Variants in THRA observed in about 807,000 individuals in gnomAD.
The protein encoded by THRA is thyroid hormone receptor alpha.
A neutral mutation model predicts 45.0 loss-of-function variants in THRA; 13 were observed. The ratio of observed to expected loss-of-function variants is 0.29; its 90% CI spans 0.19 to 0.46. THRA has a LOEUF of 0.46. THRA is among the 20% of genes least tolerant of loss of function. THRA has a pLI of 1.00. For synonymous variants in THRA, 195 were observed against 214.0 expected, an observed-to-expected ratio of 0.91 and a Z score of 0.78; for missense variants, 278 against 556.1, an observed-to-expected ratio of 0.50 and a Z score of 5.03.
intron 4 of THRA, among the ~76,000 whole-genome samples, chr17:40,083,027 A>G (rs1054598379): frequency 6.6e-6 from 1 of 150,890 alleles, no homozygotes; most frequent in Admixed American, 6.6e-5. Flanking sequence ...TCCTGGGTTC[A>G]CGCCATTCTC....
chr17:40,075,083 C>T (rs962603068), intron 2 of THRA, among the ~76,000 whole-genome samples: 1 of 152,264 alleles, frequency 6.6e-6, no homozygotes, highest in Non-Finnish European at 1.5e-5. Context: ...TGGGGCTCCT[C>T]CCAGAAAGTG....
rs548599710 is a variant in THRA, at chr17:40,068,467, T to C, written c.-298+5375T>C. On this transcript the variant is annotated intron_variant, in intron 1 of 8. Transcript: ENST00000450525. ...GGCTGGTGTGTGGTGGGGGCACATG[T>C]GGTTCCACCTTGGTGTCACTTGGCA... is the stretch of plus-strand genomic sequence containing the variant. 6.6e-5 allele frequency among the ~76,000 whole-genome samples: 10 copies of C among 152,360 alleles called. No homozygotes were observed. The South Asian group carries it at 2.1e-3, about 32-fold the overall frequency.
chr17:40,081,503 G>A (rs543967104), intron 4 of THRA, among the ~76,000 whole-genome samples: 1 of 152,128 alleles, frequency 6.6e-6, no homozygotes, highest in East Asian at 1.9e-4. Context: ...CTGGCCTCAA[G>A]TGATCTGCCT....
intron 2 of THRA, among the ~76,000 whole-genome samples, chr17:40,075,071 G>A (rs1475658827): frequency 6.6e-6 from 1 of 152,272 alleles, no homozygotes; most frequent in Non-Finnish European, 1.5e-5. Context: ...CGGGCACTGC[G>A]ATGGGGCTCC....
intron 4 of THRA, among the ~76,000 whole-genome samples, chr17:40,079,332 C>T (rs1987059892): frequency 6.6e-6 from 1 of 152,086 alleles, no homozygotes; most frequent in Non-Finnish European, 1.5e-5. Flanking sequence ...CTGCAACCTC[C>T]ACCTCTCGGG....
intron 1 of THRA, among the ~76,000 whole-genome samples, chr17:40,073,493 A>T (rs1322259933): frequency 1.3e-5 from 2 of 152,082 alleles, no homozygotes; most frequent in African/African-American, 4.8e-5. Flanking sequence ...TCCAGTTAAT[A>T]TGTGTTAGTT....
intron 2 of THRA, 26 bp downstream of exon 2, chr17:40,074,567 G>A (rs777235231): frequency 1.1e-5 from 18 of 1,613,666 alleles, no homozygotes; most frequent in East Asian, 2.2e-5. Flanking sequence ...ACTAGGTCAT[G>A]CCAACTCCTA....
chr17:40,072,746 T>G (rs1038900643), intron 1 of THRA, among the ~76,000 whole-genome samples: 2 of 151,834 alleles, frequency 1.3e-5, no homozygotes, highest in Non-Finnish European at 2.9e-5. Flanking sequence ...CCCCTGGGCT[T>G]CCCCACCCAC....
chr17:40,087,081 C>T (rs918619958), intron 7 of THRA: 17 of 561,484 alleles, frequency 3.0e-5, no homozygotes, highest in Non-Finnish European at 3.8e-5. Context: ...ACCTAGCATA[C>T]AGATACGTAC....
Position 40,081,665 on chromosome 17 carries a change from C to T in THRA, c.223-2170C>T, listed in dbSNP as rs528514632. 8.4e-4 allele frequency among the ~76,000 whole-genome samples: 128 copies of T among 152,056 alleles called. 1 individual carries two copies. The South Asian group carries it at 0.025, about 30-fold the overall frequency. On this transcript the variant is annotated intron_variant, in intron 4 of 8. Transcript: ENST00000450525. ...ATCATCTTGAGTTTTGAGGTGTTTCCTTTAAAATAAAGGCGAGGCTGGGTG... is the reference window on the plus strand; with the variant it reads ...ATCATCTTGAGTTTTGAGGTGTTTCTTTTAAAATAAAGGCGAGGCTGGGTG...
In THRA at chr17:40,074,428, C is replaced by G; in HGVS notation, c.-61C>G. 1 of 1,592,438 alleles carries G rather than the reference C, an allele frequency of 6.3e-7. No homozygotes were observed. The highest frequency in any genetic ancestry group is 8.6e-7 in the Non-Finnish European group (1 of 1,161,630). On this transcript the variant is annotated 5_prime_UTR_variant, in exon 2 of 9. Transcript: ENST00000450525. Reference sequence around the variant, plus strand: ...GTGGCCTGTGGGTGTGCCGGGGGGGCCAGTGTGCCCACCCCAGTCTCTTGG... The same window carrying G: ...GTGGCCTGTGGGTGTGCCGGGGGGGGCAGTGTGCCCACCCCAGTCTCTTGG...
chr17:40,067,030 G>T (rs1336930395), intron 1 of THRA, among the ~76,000 whole-genome samples: 1 of 152,182 alleles, frequency 6.6e-6, no homozygotes, highest in Admixed American at 6.5e-5. Context: ...GAAGCTTCGT[G>T]GAGAATTGGG....
At chr17:40,075,682 T>C (rs1372291605) in intron 2 of THRA, among the ~76,000 whole-genome samples, 1 of 151,542 alleles carries the variant, frequency 6.6e-6, no homozygotes, top group Non-Finnish European at 1.5e-5. Context: ...CCCTCCCCCA[T>C]GTCTATGCGC....
At chr17:40,088,730 T>C (rs963865876) in intron 8 of THRA, among the ~76,000 whole-genome samples, 1 of 151,838 alleles carries the variant, frequency 6.6e-6, no homozygotes, top group Non-Finnish European at 1.5e-5. Flanking sequence ...TGTCTTTGTC[T>C]CCTTCCTTCT....
At position 40,084,606 on chromosome 17, in the gene THRA, A is replaced by G. The variant is rs529337118; in HGVS notation, c.371-4A>G. The G allele has an allele frequency of 6.2e-7, 1 of 1,613,998 alleles. No homozygotes were observed. The highest frequency in any genetic ancestry group is 1.3e-5 in the African/African-American group (1 of 75,030). Reference sequence around the variant, plus strand: ...CGTTAGACCTTGTGCCTCTCTGTTCACAGTGGTTCTAGATGACTCGAAGCG... The same window carrying G: ...CGTTAGACCTTGTGCCTCTCTGTTCGCAGTGGTTCTAGATGACTCGAAGCG... On this transcript the variant is annotated splice_polypyrimidine_tract_variant and splice_region_variant and intron_variant, in intron 5 of 8. Coordinates refer to ENST00000450525, the MANE Select transcript of THRA (RefSeq NM_199334.5).
At chr17:40,066,651 G>A (rs191677255) in intron 1 of THRA, among the ~76,000 whole-genome samples, 3,340 of 136,460 alleles carry the variant, frequency 0.024, 144 homozygotes, top group African/African-American at 0.089. Flanking sequence ...GTGACAGAGC[G>A]AGACTCCGTC....
chr17:40,073,186 T>C (rs1986838616), intron 1 of THRA, among the ~76,000 whole-genome samples: 1 of 152,144 alleles, frequency 6.6e-6, no homozygotes, highest in African/African-American at 2.4e-5. Context: ...GTTGGGGAGC[T>C]GTACCCTTTG....
Position 40,083,831 on chromosome 17 carries a change from C to T in THRA, c.223-4C>T, listed in dbSNP as rs1374879749. On this transcript the variant is annotated splice_polypyrimidine_tract_variant and splice_region_variant and intron_variant, in intron 4 of 8. Transcript: ENST00000450525. ...CACAGCCTGCTCCATCTCCCCCACCCCAGGGCTTCTTTCGCCGCACAATCC... is the reference window on the plus strand; with the variant it reads ...CACAGCCTGCTCCATCTCCCCCACCTCAGGGCTTCTTTCGCCGCACAATCC... 1 of 1,600,962 alleles carries T rather than the reference C, an allele frequency of 6.2e-7. No individual in the cohort carries two copies. The highest frequency in any genetic ancestry group is 1.7e-5 in the Admixed American group (1 of 58,928).
chr17:40,084,917 C>A, intron 6 of THRA, 102 bp downstream of exon 6: 2 of 1,305,692 alleles, frequency 1.5e-6, no homozygotes, highest in South Asian at 1.4e-5. Flanking sequence ...TAGTGTAATC[C>A]AACCCAAAAT....
Sources: allele counts gnomAD v4.1 joint callset (sites outside exome capture counted in the v4.1 genomes callset), GRCh38; gene constraint gnomAD v4.1.1; transcripts MANE v1.5; gene names NCBI Gene and HGNC (gene_info 2026-07-23, HGNC 2026-07-21).